PTPRO: variants seen among roughly 807,000 people sequenced by gnomAD.
PTPRO encodes the protein receptor-type tyrosine-protein phosphatase O.
Under a neutral mutation model 145.2 loss-of-function variants are expected in PTPRO, and 62 were observed. The observed-to-expected ratio is 0.43, with a 90% CI of 0.35 to 0.53. The LOEUF (loss-of-function observed/expected upper bound fraction) is 0.53. Ranked by LOEUF, PTPRO falls within the 20% of genes least tolerant of loss-of-function variation. PTPRO has a pLI of 0.01. For synonymous variants in PTPRO, 565 were observed against 514.7 expected (o/e 1.10, Z -1.32); for missense variants, 1,345 against 1,482.7 (o/e 0.91, Z 1.53).
intron 1 of PTPRO, among the ~76,000 whole-genome samples, chr12:15,434,378 G>A (rs1239314518): frequency 6.6e-6 from 1 of 152,096 alleles, no homozygotes; most frequent in Non-Finnish European, 1.5e-5. Flanking sequence ...CATTTGGGTG[G>A]CATGTTTCTC....
chr12:15,453,765 C>A (rs1410719387), intron 1 of PTPRO, among the ~76,000 whole-genome samples: 1 of 152,134 alleles, frequency 6.6e-6, no homozygotes, highest in Non-Finnish European at 1.5e-5. Context: ...CTGGTAACCA[C>A]AATTCTGCTC....
At chr12:15,459,104 T>C (rs1364439160) in intron 1 of PTPRO, among the ~76,000 whole-genome samples, 1 of 152,166 alleles carries the variant, frequency 6.6e-6, no homozygotes, top group Non-Finnish European at 1.5e-5. Flanking sequence ...TCATCTGCAT[T>C]CTAAGACAAG....
chr12:15,426,785 CCAGA>C (rs200531650), intron 1 of PTPRO, among the ~76,000 whole-genome samples: 1,567 of 152,020 alleles, frequency 0.01, 26 homozygotes, highest in African/African-American at 0.036. Context: ...AGAGAAAATA[CCAGA>C]CACTCAGTTA....
intron 1 of PTPRO, among the ~76,000 whole-genome samples, chr12:15,402,647 T>C (rs1939529743): frequency 6.6e-6 from 1 of 152,178 alleles, no homozygotes; most frequent in Non-Finnish European, 1.5e-5. Flanking sequence ...TATATATTGT[T>C]CAAATTTTAT....
At chr12:15,331,962 C>CTTTTTTTTT (rs200334215) in intron 1 of PTPRO, among the ~76,000 whole-genome samples, 69 of 118,250 alleles carry the variant, frequency 5.8e-4, no homozygotes, top group Non-Finnish European at 8.1e-4. Context: ...CTCTTTCTTT[C>CTTTTTTTTT]TTTTTTTTTT....
chr12:15,425,746 G>A lies in PTPRO; in HGVS notation c.76-58228G>A, dbSNP rs1238843463. Among the ~76,000 whole-genome samples the A allele has an allele frequency of 6.3e-5, 7 of 110,698 alleles. No homozygotes were observed. In the South Asian group the frequency reaches 1.8e-3, roughly 28 times the overall value. The allele number at this position is 110,698 out of a possible 152,430, so 72.6% of individuals were successfully genotyped here. A position where few individuals can be genotyped will look rare whatever the true frequency, so the allele number is the denominator to read the frequency against. On this transcript the variant is annotated intron_variant, in intron 1 of 26. Transcript: ENST00000281171. ...TGCAAAATAGATTCATGCATTTTTTGTAACTTTTTTATTATATTTCACTGT... is the reference window on the plus strand; with the variant it reads ...TGCAAAATAGATTCATGCATTTTTTATAACTTTTTTATTATATTTCACTGT...
At chr12:15,397,841 C>A (rs1939384704) in intron 1 of PTPRO, among the ~76,000 whole-genome samples, 1 of 152,092 alleles carries the variant, frequency 6.6e-6, no homozygotes, top group Non-Finnish European at 1.5e-5. Flanking sequence ...TCACCAAAAC[C>A]ATACCTGCTT....
intron 1 of PTPRO, among the ~76,000 whole-genome samples, chr12:15,478,919 C>T (rs779657049): frequency 2.0e-5 from 3 of 152,190 alleles, no homozygotes; most frequent in Admixed American, 6.5e-5. Context: ...GATCCGCCCG[C>T]CTCGGCCTCC....
Position 15,538,543 on chromosome 12 carries a change from G to A in PTPRO, c.2165-8026G>A, listed in dbSNP as rs533523447. ...CGGCCCACTTTAGCACTTCTCTAAA[G>A]GCATTTCTCCTGCCCATCATAAGGT... On this transcript the variant is annotated intron_variant, in intron 12 of 26. Coordinates refer to ENST00000281171, the MANE Select transcript of PTPRO (RefSeq NM_030667.3). Among the ~76,000 whole-genome samples, 492 of 152,220 alleles carry A rather than the reference G, an allele frequency of 3.2e-3. 3 individuals carry two copies. Among genetic ancestry groups the A allele is most frequent in the Middle Eastern group, 0.024 (7 of 294 alleles).
intron 22 of PTPRO, among the ~76,000 whole-genome samples, 159 bp from the exon 23 acceptor site, chr12:15,581,520 A>T (rs1944316954): frequency 6.7e-6 from 1 of 149,530 alleles, no homozygotes; most frequent in African/African-American, 2.5e-5. Flanking sequence ...TGTGATAAGA[A>T]TTCACACTAC....
Position 15,594,992 on chromosome 12 carries a change from A to G in PTPRO, c.3602A>G (p.Gln1201Arg), listed in dbSNP as rs760238009. The part of the protein sequence containing the change: ...CVQLMWMKKK[Q>R]QFCISDVIYE... ...CAACTGATGTGGATGAAGAAGAAGC[A>G]GCAGTTCTGCATCAGTGATGTCATA... Residue 1201 changes from glutamine (Q) to arginine (R), a missense_variant, in exon 26 of 27, where the codon CAG becomes CGG. By Grantham distance (43) the Gln-to-Arg change is conservative. Transcript: ENST00000281171. 1 of 1,613,970 alleles carries G rather than the reference A, an allele frequency of 6.2e-7. No individual in the cohort carries two copies. Among genetic ancestry groups the G allele is most frequent in the Admixed American group, 1.7e-5 (1 of 60,024 alleles).
intron 1 of PTPRO, among the ~76,000 whole-genome samples, chr12:15,436,630 C>A (rs1940602475): frequency 6.6e-6 from 1 of 152,166 alleles, no homozygotes; most frequent in African/African-American, 2.4e-5. Context: ...AGGAAAGACA[C>A]CAGGAAAAGT....
intron 1 of PTPRO, among the ~76,000 whole-genome samples, chr12:15,432,075 T>C (rs1322223760): frequency 1.3e-5 from 2 of 152,204 alleles, no homozygotes; most frequent in South Asian, 2.1e-4. Flanking sequence ...TGGGGGTTTA[T>C]TGTACAGATT....
intron 1 of PTPRO, among the ~76,000 whole-genome samples, chr12:15,444,376 G>C (rs1286818225): frequency 6.6e-6 from 1 of 151,930 alleles, no homozygotes; most frequent in Non-Finnish European, 1.5e-5. Flanking sequence ...AAAACTAACT[G>C]TTGGCTACTG....
chr12:15,335,214 A>C (rs1169742708), intron 1 of PTPRO, among the ~76,000 whole-genome samples: 1 of 152,074 alleles, frequency 6.6e-6, no homozygotes, highest in Non-Finnish European at 1.5e-5. Context: ...TTCTCATTTG[A>C]ATGTACTTAA....
At chr12:15,589,877 G>T (rs888883371) in intron 25 of PTPRO, among the ~76,000 whole-genome samples, 1 of 152,186 alleles carries the variant, frequency 6.6e-6, no homozygotes, top group Non-Finnish European at 1.5e-5. Context: ...GTCAATTGCA[G>T]ATAACAGCCA....
At chr12:15,433,023 A>G (rs1940488767) in intron 1 of PTPRO, among the ~76,000 whole-genome samples, 1 of 152,040 alleles carries the variant, frequency 6.6e-6, no homozygotes, top group Non-Finnish European at 1.5e-5. Context: ...TTTGCTGTGC[A>G]GACACTCTTT....
intron 1 of PTPRO, among the ~76,000 whole-genome samples, chr12:15,473,041 G>A (rs1941577154): frequency 6.6e-6 from 1 of 152,184 alleles, no homozygotes; most frequent in Admixed American, 6.5e-5. Context: ...CAAGGTGCCT[G>A]CTCAGACCCA....
At chr12:15,333,027 T>C (rs1469836032) in intron 1 of PTPRO, among the ~76,000 whole-genome samples, 1 of 152,202 alleles carries the variant, frequency 6.6e-6, no homozygotes, top group East Asian at 1.9e-4. Flanking sequence ...TTTCTGCCTA[T>C]TGCCATTTTT....
Sources: gnomAD v4.1 joint callset for allele counts (sites outside exome capture counted in the v4.1 genomes callset) on GRCh38, gnomAD v4.1.1 for gene constraint, MANE v1.5 for transcripts, NCBI Gene and HGNC (gene_info 2026-07-23, HGNC 2026-07-21) for gene names.